The following HPSE2 variants were observed in gnomAD, a reference collection of about 807,000 sequenced individuals.
The protein encoded by HPSE2 is heparanase 2 (inactive).
In HPSE2, 38 loss-of-function variants were observed where a neutral mutation model predicts 60.5. That is an observed-to-expected ratio of 0.63 (90% CI 0.48 to 0.82). The LOEUF is 0.82. HPSE2 is among the 40% of genes least tolerant of loss of function. The pLI is 0.00. For missense variants in HPSE2, 713 were observed against 740.4 expected, an observed-to-expected ratio of 0.96 and a Z score of 0.43; for synonymous variants, 295 against 293.2, an observed-to-expected ratio of 1.01 and a Z score of -0.06.
chr10:99,049,092 G>A (rs141875479), intron 3 of HPSE2, among the ~76,000 whole-genome samples: 122 of 152,254 alleles, frequency 8.0e-4, no homozygotes, highest in Non-Finnish European at 1.5e-3. Flanking sequence ...AGGGAAGAAC[G>A]GAGAAGGGCT....
At position 98,782,788 on chromosome 10, in the gene HPSE2, G is replaced by A. The variant is rs1280234518; in HGVS notation, c.611-38732C>T. ...ACCCTGGGAAAATATGTTCTGTAGG[G>A]CTCCTGACTATATAAATATTTGATT... On this transcript the variant is annotated intron_variant, in intron 3 of 11. Transcript: ENST00000370552. Among the ~76,000 whole-genome samples, 4 of 62,990 alleles carry A rather than the reference G, an allele frequency of 6.4e-5. 1 individual carries two copies. Among genetic ancestry groups the A allele is most frequent in the African/African-American group, 1.8e-4 (4 of 22,168 alleles). 41.3% of individuals were successfully genotyped at this position (62,990 alleles called of 152,430 possible).
rs1302758141 is a variant in HPSE2, at chr10:98,930,029, G to A, written c.611-185973C>T. On this transcript the variant is annotated intron_variant, in intron 3 of 11. Transcript: ENST00000370552. ...TGGGATACCTGTACAAGATGTGCAA[G>A]TTTGTTACATAGGTAAACGTGTGTC... Among the ~76,000 whole-genome samples, 2 of 143,522 alleles carry A rather than the reference G, an allele frequency of 1.4e-5. 1 individual carries two copies. Among genetic ancestry groups the A allele is most frequent in the Non-Finnish European group, 3.0e-5 (2 of 67,092 alleles). 94.2% of individuals were successfully genotyped at this position (143,522 alleles called of 152,430 possible).
intron 11 of HPSE2, among the ~76,000 whole-genome samples, chr10:98,481,748 T>G (rs1941244959): frequency 6.6e-6 from 1 of 152,196 alleles, no homozygotes; most frequent in South Asian, 2.1e-4. Flanking sequence ...TGTGGGCAGC[T>G]GTTGGAGTGC....
At chr10:98,915,765 G>T (rs369331304) in intron 3 of HPSE2, among the ~76,000 whole-genome samples, 5 of 152,264 alleles carry the variant, frequency 3.3e-5, no homozygotes, top group African/African-American at 1.2e-4. Flanking sequence ...TTTTCAAGTG[G>T]GAAAAGAAAG....
At chr10:98,810,203 T>A (rs1951137955) in intron 3 of HPSE2, among the ~76,000 whole-genome samples, 1 of 152,114 alleles carries the variant, frequency 6.6e-6, no homozygotes, top group African/African-American at 2.4e-5. Context: ...ATAACACTTG[T>A]CATACTCTAC....
intron 3 of HPSE2, among the ~76,000 whole-genome samples, chr10:98,777,885 A>C (rs1950376071): frequency 6.6e-6 from 1 of 151,672 alleles, no homozygotes; most frequent in Non-Finnish European, 1.5e-5. Flanking sequence ...ATGGTAGTTT[A>C]AATTAAGGGA....
chr10:99,136,463 CTGA>C (rs1845658062), intron 3 of HPSE2, among the ~76,000 whole-genome samples: 1 of 152,162 alleles, frequency 6.6e-6, no homozygotes, highest in Non-Finnish European at 1.5e-5. Flanking sequence ...GCCAATATCC[CTGA>C]TGAACATCGA....
intron 9 of HPSE2, among the ~76,000 whole-genome samples, chr10:98,564,719 G>C (rs368638887): frequency 7.9e-5 from 12 of 152,286 alleles, no homozygotes; most frequent in Middle Eastern, 3.4e-3. Context: ...AAACATTTTA[G>C]GGGGTTTATA....
rs1203449644 is a variant in HPSE2 at position 98,595,271 on chromosome 10, G to A, written c.1320+19633C>T. The stretch of plus-strand genomic sequence containing the variant: ...TGCAAGCTCCGCCTCCCGGGTTCAC[G>A]CCATTCTCCTGCCTCAGCCTCCTGA... On this transcript the variant is annotated intron_variant, in intron 9 of 11. Transcript: ENST00000370552. 6.8e-5 allele frequency among the ~76,000 whole-genome samples: 10 copies of A among 146,128 alleles called. No individual in the cohort carries two copies. The South Asian group carries it at 1.8e-3, about 26-fold the overall frequency.
chr10:99,305,964 C>T, the HPSE2 span, among the ~76,000 whole-genome samples: 11 of 64,400 alleles, frequency 1.7e-4, no homozygotes, highest in East Asian at 1.6e-3. Context: ...CACACACACG[C>T]GCGCGCGCGC....
chr10:99,087,309 A>T lies in HPSE2; in HGVS notation c.610+56929T>A, dbSNP rs550450160. Reference sequence around the variant, plus strand: ...ACAGAAAAACTTCCCTTTCATGGTTAGTAGCTTGTCGCTCTCAGTAAATCT... The same window carrying T: ...ACAGAAAAACTTCCCTTTCATGGTTTGTAGCTTGTCGCTCTCAGTAAATCT... On this transcript the variant is annotated intron_variant, in intron 3 of 11. Transcript: ENST00000370552. Among the ~76,000 whole-genome samples, 10 of 152,360 alleles carry T rather than the reference A, an allele frequency of 6.6e-5. No individual in the cohort carries two copies. In the East Asian group the frequency reaches 1.9e-3, roughly 29 times the overall value.
chr10:99,154,805 G>A (rs1467643931), intron 2 of HPSE2, among the ~76,000 whole-genome samples: 9 of 151,908 alleles, frequency 5.9e-5, no homozygotes, highest in African/African-American at 2.2e-4. Context: ...GACACAGACT[G>A]GCAAATTGGA....
intron 9 of HPSE2, among the ~76,000 whole-genome samples, chr10:98,585,934 A>T (rs10883145): frequency 0.56 from 81,847 of 146,518 alleles, 23,158 homozygotes; most frequent in Admixed American, 0.6. Context: ...CCAGGGTGAC[A>T]GAGCAAGACT....
At chr10:98,674,435 G>A (rs1947583818) in intron 6 of HPSE2, among the ~76,000 whole-genome samples, 2 of 152,178 alleles carry the variant, frequency 1.3e-5, no homozygotes, top group African/African-American at 4.8e-5. Context: ...CAGATAAAAA[G>A]CACTGAGAAC....
chr10:98,898,206 A>G (rs572859830), intron 3 of HPSE2, among the ~76,000 whole-genome samples: 1 of 152,306 alleles, frequency 6.6e-6, no homozygotes, highest in South Asian at 2.1e-4. Context: ...TTACCTTACA[A>G]TCCAACAATC....
intron 3 of HPSE2, among the ~76,000 whole-genome samples, chr10:98,769,677 C>G (rs1404105934): frequency 1.3e-5 from 2 of 152,056 alleles, no homozygotes; most frequent in East Asian, 3.9e-4. Context: ...AAGAGCTAGC[C>G]TCGGAAGGAA....
chr10:99,256,964 G>T, the HPSE2 span, among the ~76,000 whole-genome samples: 1 of 152,206 alleles, frequency 6.6e-6, no homozygotes, highest in African/African-American at 2.4e-5. Flanking sequence ...AGATTTCATG[G>T]ACATTTATTA....
At chr10:98,562,785 G>T (rs1300745090) in intron 9 of HPSE2, among the ~76,000 whole-genome samples, 1 of 151,272 alleles carries the variant, frequency 6.6e-6, no homozygotes, top group Non-Finnish European at 1.5e-5. Flanking sequence ...AATATTTGTA[G>T]GATAAACAAA....
At chr10:98,509,490 T>C (rs1942314062) in intron 9 of HPSE2, among the ~76,000 whole-genome samples, 1 of 151,970 alleles carries the variant, frequency 6.6e-6, no homozygotes, top group African/African-American at 2.4e-5. Context: ...TAAAACAGGA[T>C]TCATAGCTTT....
Sources: gnomAD v4.1 joint callset for allele counts (sites outside exome capture counted in the v4.1 genomes callset) on GRCh38, gnomAD v4.1.1 for gene constraint, MANE v1.5 for transcripts, NCBI Gene and HGNC (gene_info 2026-07-23, HGNC 2026-07-21) for gene names.